RIMKLA: variants seen among roughly 807,000 people sequenced by gnomAD.
RIMKLA encodes ribosomal modification protein rimK like family member A, also known as N-acetylaspartylglutamate synthase A.
In RIMKLA, 14 loss-of-function variants were observed where a neutral mutation model predicts 32.7. The observed-to-expected ratio is 0.43, with a 90% CI of 0.28 to 0.67. RIMKLA has a LOEUF of 0.67. Ranked by LOEUF, RIMKLA falls within the 30% of genes least tolerant of loss-of-function variation. The pLI, the probability that RIMKLA is intolerant of heterozygous loss-of-function variation, is 0.18. For synonymous variants in RIMKLA, 176 were observed against 204.1 expected (o/e 0.86, Z 1.18); for missense variants, 410 against 519.0 (o/e 0.79, Z 2.04).
chr1:42,421,257 T>C lies in RIMKLA; in HGVS notation c.*6283T>C, dbSNP rs1245682851. The C allele has an allele frequency of 6.6e-6, 1 of 152,256 alleles. No individual in the cohort carries two copies. The highest frequency in any genetic ancestry group is 1.5e-5 in the Non-Finnish European group (1 of 68,086). 9.4% of individuals were successfully genotyped at this position (152,256 alleles called of 1,614,324 possible). The stretch of plus-strand genomic sequence containing the variant: ...ACCTGGAAAGCAGCCTGACCTTGGA[T>C]GATTTAGCACCTGGGTTTTTTGGCT... On this transcript the variant is annotated 3_prime_UTR_variant, in exon 5 of 5. Transcript: ENST00000431473. The surrounding 1 kb of genome is among the most constrained non-coding windows in gnomAD (Gnocchi z 4.6).
intron 4 of RIMKLA, chr1:42,412,302 A>G (rs908665653): frequency 3.5e-5 from 6 of 171,660 alleles, no homozygotes; most frequent in African/African-American, 1.4e-4. Context: ...TGTCCTTGGT[A>G]CAGGATTTTG....
Position 42,415,403 on chromosome 1 carries a change from G to A in RIMKLA, c.*429G>A, listed in dbSNP as rs1030370448. ...AATAGGTTCTTCACTAAGTGTGTGTGTGATGCTTGGAAAAGACACAGTTCA... is the reference window on the plus strand; with the variant it reads ...AATAGGTTCTTCACTAAGTGTGTGTATGATGCTTGGAAAAGACACAGTTCA... On this transcript the variant is annotated 3_prime_UTR_variant, in exon 5 of 5. Coordinates refer to ENST00000431473, the MANE Select transcript of RIMKLA (RefSeq NM_173642.4). The A allele has an allele frequency of 5.8e-6, 1 of 172,346 alleles. No homozygotes were observed. Among genetic ancestry groups the A allele is most frequent in the Non-Finnish European group, 1.2e-5 (1 of 80,020 alleles). 10.7% of individuals were successfully genotyped at this position (172,346 alleles called of 1,614,324 possible).
chr1:42,405,892 G>A (rs1643139785), intron 3 of RIMKLA, among the ~76,000 whole-genome samples: 2 of 152,212 alleles, frequency 1.3e-5, no homozygotes, highest in Admixed American at 1.3e-4. Flanking sequence ...ACAGAAGCAA[G>A]GGTAGGCAAC....
rs915906923 is a variant in RIMKLA at position 42,418,811 on chromosome 1, A to G, written c.*3837A>G. 2.0e-5 allele frequency: 3 copies of G among 152,246 alleles called. No individual in the cohort carries two copies. The highest frequency in any genetic ancestry group is 4.4e-5 in the Non-Finnish European group (3 of 68,080). The allele number at this position is 152,246 out of a possible 1,614,324, so 9.4% of individuals were successfully genotyped here. A position where few individuals can be genotyped will look rare whatever the true frequency, so the allele number is the denominator to read the frequency against. ...CACCCAAATAAAAGCTGACCCTCCC[A>G]GAGGCTAATGAACCACAGTGCTGTG... On this transcript the variant is annotated 3_prime_UTR_variant, in exon 5 of 5. Coordinates refer to ENST00000431473, the MANE Select transcript of RIMKLA (RefSeq NM_173642.4).
chr1:42,380,878 G>C lies in RIMKLA; in HGVS notation c.-57G>C. 3.3e-6 allele frequency: 4 copies of C among 1,196,226 alleles called. No homozygotes were observed. The highest frequency in any genetic ancestry group is 3.1e-6 in the Non-Finnish European group (3 of 963,220). 74.1% of individuals were successfully genotyped at this position (1,196,226 alleles called of 1,614,324 possible). A position where few individuals can be genotyped will look rare whatever the true frequency, so the allele number is the denominator to read the frequency against. On this transcript the variant is annotated 5_prime_UTR_variant, in exon 1 of 5. Coordinates refer to ENST00000431473, the MANE Select transcript of RIMKLA (RefSeq NM_173642.4). ...CGCCCCTCCGCTCGCCCTACTGAGC[G>C]AGCGGCCCGGGGCGCCGAGGGGTCC...
rs1472171839 is a variant in RIMKLA at position 42,414,500 on chromosome 1, G to A, written c.702G>A (p.Lys234=). 1.2e-6 allele frequency: 2 copies of A among 1,614,082 alleles called. No homozygotes were observed. The highest frequency in any genetic ancestry group is 1.7e-6 in the Non-Finnish European group (2 of 1,179,932). Residue 234 remains lysine (K), a synonymous_variant, in exon 5 of 5, where the codon AAG becomes AAA. Transcript: ENST00000431473. ...TCCCCACAGGTGGCGTGGGCGTCAA[G>A]TGTCCGCTGACAGAACAAGGCAAGC... is the stretch of plus-strand genomic sequence containing the variant. The part of the protein sequence containing the change: ...SNCSLGGVGV[K]CPLTEQGKQL...
intron 1 of RIMKLA, among the ~76,000 whole-genome samples, chr1:42,385,808 T>TCCTTCCTTCCTTCCTTCCTTCC (rs1314424316): frequency 2.6e-5 from 2 of 75,892 alleles, no homozygotes; most frequent in African/African-American, 4.3e-5. Context: ...TCTCTCTCTC[T>TCCTTCCTTCCTTCCTTCCTTCC]TTCCTTCCTT....
chr1:42,400,576 A>C (rs1275230246), intron 2 of RIMKLA, among the ~76,000 whole-genome samples: 2 of 152,236 alleles, frequency 1.3e-5, no homozygotes, highest in Non-Finnish European at 2.9e-5. Flanking sequence ...AGAAATCAAG[A>C]GTGACTGGTT....
Position 42,419,708 on chromosome 1 carries a change from G to C in RIMKLA, c.*4734G>C, listed in dbSNP as rs1450532097. ...CAGCACTTGGATGGCTTCTAGGTGA[G>C]AGCCCCAAAGGCATGTATATTTCCA... On this transcript the variant is annotated 3_prime_UTR_variant, in exon 5 of 5. Transcript: ENST00000431473. 6.6e-6 allele frequency: 1 copy of C among 152,236 alleles called. No homozygotes were observed. Among genetic ancestry groups the C allele is most frequent in the African/African-American group, 2.4e-5 (1 of 41,430 alleles). 9.4% of individuals were successfully genotyped at this position (152,236 alleles called of 1,614,324 possible).
At chr1:42,407,873 GC>G (rs1338029364) in intron 3 of RIMKLA, among the ~76,000 whole-genome samples, 1 of 152,106 alleles carries the variant, frequency 6.6e-6, no homozygotes, top group Non-Finnish European at 1.5e-5. Flanking sequence ...CAATCTTACT[GC>G]CTTTCTCTCC....
intron 1 of RIMKLA, among the ~76,000 whole-genome samples, chr1:42,398,185 T>C (rs1247710778): frequency 6.6e-6 from 1 of 152,224 alleles, no homozygotes; most frequent in Admixed American, 6.5e-5. Context: ...AATGCTCTTA[T>C]GGATATCTCT....
Position 42,423,286 on chromosome 1 carries a change from C to T in RIMKLA, c.*8312C>T, listed in dbSNP as rs138058129. ...GAACCCAAACACTGGGGAATGTGGC[C>T]TATGTTTCTTTCTTCTTCTCTTACA... On this transcript the variant is annotated 3_prime_UTR_variant, in exon 5 of 5. Coordinates refer to ENST00000431473, the MANE Select transcript of RIMKLA (RefSeq NM_173642.4). Among the ~76,000 whole-genome samples, 225 of 152,230 alleles carry T rather than the reference C, an allele frequency of 1.5e-3. No individual in the cohort carries two copies. The highest frequency in any genetic ancestry group is 5.2e-3 in the African/African-American group (214 of 41,526).
intron 1 of RIMKLA, among the ~76,000 whole-genome samples, chr1:42,387,267 TAAAAA>T (rs1168806464): frequency 7.0e-6 from 1 of 143,304 alleles, no homozygotes; most frequent in Non-Finnish European, 1.5e-5. Flanking sequence ...TTCCAAAAAA[TAAAAA>T]ATAAAAAATA....
At chr1:42,408,479 G>A (rs1335761190) in intron 3 of RIMKLA, among the ~76,000 whole-genome samples, 1 of 152,160 alleles carries the variant, frequency 6.6e-6, no homozygotes, top group African/African-American at 2.4e-5. Context: ...GAGTTCAATG[G>A]CGCGATCTTG....
intron 1 of RIMKLA, among the ~76,000 whole-genome samples, chr1:42,398,991 A>G (rs923884873): frequency 3.7e-5 from 5 of 134,332 alleles, no homozygotes; most frequent in South Asian, 4.7e-4. Context: ...AAAAAAAAAA[A>G]GGGCTATATA....
intron 4 of RIMKLA, among the ~76,000 whole-genome samples, chr1:42,411,737 A>G (rs910244588): frequency 4.0e-5 from 6 of 151,730 alleles, no homozygotes; most frequent in Non-Finnish European, 7.4e-5. Context: ...GCAGTGGCAC[A>G]ATCTCCGCTC....
chr1:42,389,237 G>T (rs1642976324), intron 1 of RIMKLA, among the ~76,000 whole-genome samples: 1 of 152,174 alleles, frequency 6.6e-6, no homozygotes, highest in Admixed American at 6.5e-5. Flanking sequence ...CATCCAAGGG[G>T]ATATGTCAGG....
chr1:42,411,688 T>TTATC (rs1570330625), intron 4 of RIMKLA, among the ~76,000 whole-genome samples: 1 of 141,264 alleles, frequency 7.1e-6, no homozygotes, highest in South Asian at 2.2e-4. Flanking sequence ...ATTTATTTAT[T>TTATC]TTTGAGACAG....
In RIMKLA at chr1:42,404,508, C is replaced by A; in HGVS notation, c.395-3C>A. On this transcript the variant is annotated splice_region_variant and splice_polypyrimidine_tract_variant and intron_variant, in intron 2 of 4. Transcript: ENST00000431473. ...TTCACTGACTTTCACCTTTTCTTGG[C>A]AGGTGGGCATGAAGACTTTTCAAAA... 6.2e-7 allele frequency: 1 copy of A among 1,607,610 alleles called. No homozygotes were observed. Among genetic ancestry groups the A allele is most frequent in the Non-Finnish European group, 8.5e-7 (1 of 1,174,278 alleles).
Sources: allele counts gnomAD v4.1 joint callset (sites outside exome capture counted in the v4.1 genomes callset), GRCh38; gene constraint gnomAD v4.1.1; non-coding constraint Gnocchi (gnomAD v3.1); transcripts MANE v1.5; gene names NCBI Gene and HGNC (gene_info 2026-07-23, HGNC 2026-07-21).